The following PSG5 variants were observed in gnomAD, a reference collection of about 807,000 sequenced individuals.
PSG5 encodes the protein pregnancy specific beta-1-glycoprotein 5.
PSG5 carries 53 observed loss-of-function variants against 37.7 expected under a neutral mutation model. That is an observed-to-expected ratio of 1.41 (90% CI 1.13 to 1.77). PSG5 has a LOEUF of 1.77. Ranked by LOEUF, PSG5 falls within the 40% of genes most tolerant of loss-of-function variation. PSG5 has a pLI of 0.00. For missense variants in PSG5, 547 were observed against 405.2 expected (o/e 1.35, Z -3.00); for synonymous variants, 221 against 155.4 (o/e 1.42, Z -3.14).
At chr19:43,181,466 T>C (rs1462698369) in intron 2 of PSG5, among the ~76,000 whole-genome samples, 1 of 150,874 alleles carries the variant, frequency 6.6e-6, no homozygotes, top group Non-Finnish European at 1.5e-5. Context: ...TCTAACAGCA[T>C]TTTTTTTTCT....
At chr19:43,178,725 C>T (rs1264305175) in intron 2 of PSG5, among the ~76,000 whole-genome samples, 1 of 151,626 alleles carries the variant, frequency 6.6e-6, no homozygotes, top group African/African-American at 2.4e-5. Flanking sequence ...CCTAGGCCTA[C>T]TCTGTTTTGC....
chr19:43,169,807 G>A (rs1160630158), intron 5 of PSG5, among the ~76,000 whole-genome samples: 2 of 151,586 alleles, frequency 1.3e-5, no homozygotes, highest in African/African-American at 4.9e-5. Flanking sequence ...ATGTGAAATT[G>A]TGTTTCTCAT....
chr19:43,181,160 C>G lies in PSG5; in HGVS notation c.430+3622G>C, dbSNP rs1023520480. Among the ~76,000 whole-genome samples the G allele has an allele frequency of 1.3e-4, 19 of 151,558 alleles. 1 individual carries two copies. Among genetic ancestry groups the G allele is most frequent in the African/African-American group, 4.6e-4 (19 of 41,116 alleles). On this transcript the variant is annotated intron_variant, in intron 2 of 5. Coordinates refer to ENST00000342951, the MANE Select transcript of PSG5 (RefSeq NM_002781.4). The stretch of plus-strand genomic sequence containing the variant: ...GTTTTATGTGGCACAGGCAGTAAAA[C>G]CATTAGATAGCACACACCTGGCCAC...
At chr19:43,169,372 G>C (rs1277084600) in intron 5 of PSG5, among the ~76,000 whole-genome samples, 2 of 151,606 alleles carry the variant, frequency 1.3e-5, no homozygotes, top group Non-Finnish European at 2.9e-5. Context: ...GTCAGATGTT[G>C]CCTGTGATGA....
chr19:43,184,706 G>C (rs1413109896), intron 2 of PSG5, 76 bp downstream of exon 2: 2 of 1,601,636 alleles, frequency 1.2e-6, no homozygotes, highest in Non-Finnish European at 1.7e-6. Flanking sequence ...CACAGTGCAG[G>C]CCTGACAATC....
chr19:43,172,639 C>A (rs1258787544), intron 4 of PSG5, among the ~76,000 whole-genome samples: 2 of 151,334 alleles, frequency 1.3e-5, no homozygotes, highest in Non-Finnish European at 2.9e-5. Context: ...ATATTAACAT[C>A]AAAAAGAATA....
At chr19:43,180,179 A>C (rs1331753732) in intron 2 of PSG5, among the ~76,000 whole-genome samples, 2 of 151,552 alleles carry the variant, frequency 1.3e-5, no homozygotes, top group Non-Finnish European at 2.9e-5. Context: ...AGAGAGTAGA[A>C]TAGTAGTTTG....
chr19:43,186,306 C>T, intron 1 of PSG5, 36 bp downstream of exon 1: 1 of 1,610,194 alleles, frequency 6.2e-7, no homozygotes, highest in Non-Finnish European at 8.5e-7. Flanking sequence ...ACTCTTCTTC[C>T]TCCTCCTGTC....
rs1350531856 is a variant in PSG5, at chr19:43,175,919, C to G, written c.660G>C (p.Arg220=). Residue 220 remains arginine, a synonymous_variant, in exon 3 of 6, where the codon CGG becomes CGC. Coordinates refer to ENST00000342951, the MANE Select transcript of PSG5 (RefSeq NM_002781.4). ...NETGPYECEI[R]DRDGGMRSDP... ...CACTGCGCATGCCACCATCTCGGTC[C>G]CGTATTTCACATTCATAGGGTCCTG... The G allele has an allele frequency of 6.2e-7, 1 of 1,612,384 alleles. No homozygotes were observed. The highest frequency in any genetic ancestry group is 1.3e-5 in the African/African-American group (1 of 74,552).
rs566546111 is a variant in PSG5, at chr19:43,181,073, C to T, written c.430+3709G>A. ...AAGAATCTAAGTGAGATGCCAATGGCTCGTGTGTCTCCCCACACGTAGAAC... is the reference window on the plus strand; with the variant it reads ...AAGAATCTAAGTGAGATGCCAATGGTTCGTGTGTCTCCCCACACGTAGAAC... On this transcript the variant is annotated intron_variant, in intron 2 of 5. Coordinates refer to ENST00000342951, the MANE Select transcript of PSG5 (RefSeq NM_002781.4). Among the ~76,000 whole-genome samples the T allele has an allele frequency of 4.2e-4, 64 of 151,650 alleles. 3 individuals are homozygous for T. Among genetic ancestry groups the T allele is most frequent in the African/African-American group, 1.3e-3 (55 of 41,206 alleles).
At chr19:43,171,280 T>A (rs1257056737) in intron 4 of PSG5, 2 of 151,710 alleles carry the variant, frequency 1.3e-5, no homozygotes, top group Non-Finnish European at 2.9e-5. Flanking sequence ...TGTGGCATCT[T>A]GTTTCATTGA....
chr19:43,177,577 C>G (rs1013031600), intron 2 of PSG5, among the ~76,000 whole-genome samples: 1 of 151,052 alleles, frequency 6.6e-6, no homozygotes, highest in Non-Finnish European at 1.5e-5. Flanking sequence ...ACTGGCCATT[C>G]TGCACTCATA....
chr19:43,183,406 TC>T (rs1244487015), intron 2 of PSG5: 4 of 528,004 alleles, frequency 7.6e-6, no homozygotes, highest in Non-Finnish European at 1.5e-5. Flanking sequence ...TTCATTCCAT[TC>T]CTTCATTTGT....
chr19:43,173,705 A>C (rs901670382), intron 4 of PSG5, among the ~76,000 whole-genome samples: 5 of 151,742 alleles, frequency 3.3e-5, no homozygotes, highest in African/African-American at 1.2e-4. Context: ...AAATGACAGC[A>C]ACACAAAACA....
chr19:43,170,032 G>A, intron 5 of PSG5, 23 bp downstream of exon 5: 1 of 1,412,538 alleles, frequency 7.1e-7, no homozygotes, highest in Non-Finnish European at 9.9e-7. Flanking sequence ...CAGGAACCAG[G>A]ATAAGAGAAA....
chr19:43,178,996 T>C (rs748430267), intron 2 of PSG5: 6 of 1,612,544 alleles, frequency 3.7e-6, no homozygotes, highest in Non-Finnish European at 4.2e-6. Context: ...GTCCTGTTGG[T>C]TTTGGACAGC....
chr19:43,171,692 G>C (rs1234257039), intron 4 of PSG5, among the ~76,000 whole-genome samples: 3 of 151,532 alleles, frequency 2.0e-5, no homozygotes, highest in Admixed American at 6.6e-5. Flanking sequence ...AATGGACTCT[G>C]AGCATGGTGG....
At chr19:43,179,675 A>C (rs1969086727) in intron 2 of PSG5, among the ~76,000 whole-genome samples, 1 of 151,724 alleles carries the variant, frequency 6.6e-6, no homozygotes, top group South Asian at 2.1e-4. Context: ...CAGCATAAAT[A>C]ACACAGGGGA....
In PSG5 at chr19:43,176,087, G is replaced by C. The variant is rs137958988; in HGVS notation, c.492C>G (p.Val164=). Residue 164 remains valine (V), a synonymous_variant, in exon 3 of 6, where the codon GTC becomes GTG. Transcript: ENST00000342951. The part of the protein sequence containing the change: ...NNSKPRENKD[V]LAFTCEPKSE... ...TCTTAGGTTCACAGGTGAAGGCTAA[G>C]ACATCCTTATTCTCCCTGGGTTTTG... 2.2e-5 allele frequency: 36 copies of C among 1,611,008 alleles called. No individual in the cohort carries two copies. Among genetic ancestry groups the C allele is most frequent in the South Asian group, 1.5e-4 (14 of 90,960 alleles).
Sources: gnomAD v4.1 joint callset for allele counts (sites outside exome capture counted in the v4.1 genomes callset) on GRCh38, gnomAD v4.1.1 for gene constraint, MANE v1.5 for transcripts, NCBI Gene and HGNC (gene_info 2026-07-23, HGNC 2026-07-21) for gene names.